Variants in RAPGEF6 observed in about 807,000 individuals in gnomAD.
RAPGEF6 encodes PDZ domain containing guanine nucleotide exchange factor (GEF) 2.
Under a neutral mutation model 171.4 loss-of-function variants are expected in RAPGEF6, and 56 were observed. The observed-to-expected ratio is 0.33, with a 90% CI of 0.26 to 0.41. The LOEUF (loss-of-function observed/expected upper bound fraction) is 0.41, where lower values mean the gene tolerates loss of function less well. Ranked by LOEUF, RAPGEF6 falls within the 10% of genes least tolerant of loss-of-function variation. The probability of loss-of-function intolerance (pLI) is 1.00; values close to 1 mark genes in which losing one functional copy is unlikely to be tolerated. For missense variants in RAPGEF6, 1,674 were observed against 1,921.4 expected, an observed-to-expected ratio of 0.87 and a Z score of 2.41; for synonymous variants, 692 against 650.1, an observed-to-expected ratio of 1.06 and a Z score of -0.98.
chr5:131,452,327 T>C (rs1292995287), intron 21 of RAPGEF6, among the ~76,000 whole-genome samples: 1 of 152,100 alleles, frequency 6.6e-6, no homozygotes, highest in Non-Finnish European at 1.5e-5. Flanking sequence ...TTAAAAAGCA[T>C]TCTTAAAATA....
chr5:131,607,701 T>C (rs190816533), intron 1 of RAPGEF6, among the ~76,000 whole-genome samples: 5 of 152,236 alleles, frequency 3.3e-5, no homozygotes, highest in Non-Finnish European at 7.4e-5. Flanking sequence ...TTAGAGTCCT[T>C]GGTAACACAC....
intron 18 of RAPGEF6, 69 bp downstream of exon 18, chr5:131,463,972 A>T: frequency 6.6e-7 from 1 of 1,505,332 alleles, no homozygotes; most frequent in Non-Finnish European, 8.9e-7. Flanking sequence ...TACTTACAAT[A>T]GCTGTTTTAA....
chr5:131,479,882 C>A, intron 15 of RAPGEF6, 129 bp from the exon 16 acceptor site: 4 of 926,834 alleles, frequency 4.3e-6, no homozygotes, highest in Non-Finnish European at 4.8e-6. Context: ...TTCAACTAAA[C>A]ACTGTCAAGT....
At chr5:131,437,163 G>A (rs1049921703) in intron 24 of RAPGEF6, among the ~76,000 whole-genome samples, 4 of 152,186 alleles carry the variant, frequency 2.6e-5, no homozygotes, top group African/African-American at 9.7e-5. Flanking sequence ...AGAACAAGCT[G>A]AAACAGTTTT....
intron 5 of RAPGEF6, among the ~76,000 whole-genome samples, chr5:131,556,141 T>TA (rs1425955256): frequency 6.6e-6 from 1 of 152,106 alleles, no homozygotes; most frequent in African/African-American, 2.4e-5. Context: ...TGGAAAACTG[T>TA]AAAAAGACCA....
intron 26 of RAPGEF6, among the ~76,000 whole-genome samples, 178 bp from the exon 27 acceptor site, chr5:131,429,394 A>T (rs1280320826): frequency 1.3e-5 from 2 of 152,242 alleles, no homozygotes; most frequent in Non-Finnish European, 2.9e-5. Flanking sequence ...ACCTCTTTTT[A>T]AAATACATAA....
chr5:131,453,010 C>A, intron 21 of RAPGEF6, 44 bp downstream of exon 21: 1 of 1,575,916 alleles, frequency 6.3e-7, no homozygotes, highest in Non-Finnish European at 8.6e-7. Flanking sequence ...TATTACATCA[C>A]CCTTGATACC....
intron 9 of RAPGEF6, among the ~76,000 whole-genome samples, chr5:131,507,736 T>C (rs1344151024): frequency 2.0e-5 from 3 of 152,168 alleles, no homozygotes; most frequent in African/African-American, 7.2e-5. Flanking sequence ...GATATAATTA[T>C]ACAAATAGAA....
chr5:131,439,507 G>C (rs1752243041), intron 24 of RAPGEF6, 74 bp downstream of exon 24: 2 of 1,488,640 alleles, frequency 1.3e-6, no homozygotes, highest in East Asian at 2.5e-5. Flanking sequence ...TATTGCTATA[G>C]ATTGAAAAGC....
At chr5:131,499,068 CA>C (rs1756835562) in intron 11 of RAPGEF6, among the ~76,000 whole-genome samples, 1 of 152,174 alleles carries the variant, frequency 6.6e-6, no homozygotes, top group Non-Finnish European at 1.5e-5. Context: ...TAATCCACCT[CA>C]AAAATCTTTT....
At chr5:131,633,092 G>C (rs1766414844) in intron 1 of RAPGEF6, among the ~76,000 whole-genome samples, 1 of 152,222 alleles carries the variant, frequency 6.6e-6, no homozygotes, top group African/African-American at 2.4e-5. Context: ...CCAGCACTTT[G>C]GGAGGCCGAG....
intron 1 of RAPGEF6, among the ~76,000 whole-genome samples, chr5:131,607,270 G>A (rs915090371): frequency 1.3e-5 from 2 of 152,156 alleles, no homozygotes; most frequent in Non-Finnish European, 2.9e-5. Context: ...TCAGAAGTAC[G>A]CAGAGGTAAT....
At chr5:131,629,196 T>C (rs1010623756) in intron 1 of RAPGEF6, among the ~76,000 whole-genome samples, 3 of 152,070 alleles carry the variant, frequency 2.0e-5, no homozygotes, top group African/African-American at 7.2e-5. Flanking sequence ...AAACCATCTG[T>C]GGGCCAGGCA....
At chr5:131,608,654 T>TC (rs1764751154) in intron 1 of RAPGEF6, among the ~76,000 whole-genome samples, 1 of 152,108 alleles carries the variant, frequency 6.6e-6, no homozygotes, top group Non-Finnish European at 1.5e-5. Context: ...GCTGTTTGGG[T>TC]CATGCGGGTG....
chr5:131,433,025 G>A (rs1451033626), intron 25 of RAPGEF6, among the ~76,000 whole-genome samples: 3 of 151,732 alleles, frequency 2.0e-5, no homozygotes, highest in African/African-American at 7.3e-5. Context: ...CACTTTCAGA[G>A]GACAGAGATC....
At chr5:131,452,323 A>G (rs536248502) in intron 21 of RAPGEF6, among the ~76,000 whole-genome samples, 2 of 152,338 alleles carry the variant, frequency 1.3e-5, no homozygotes, top group South Asian at 2.1e-4. Flanking sequence ...AACCTTAAAA[A>G]GCATTCTTAA....
intron 1 of RAPGEF6, among the ~76,000 whole-genome samples, chr5:131,633,852 A>C (rs997663313): frequency 3.3e-5 from 5 of 152,252 alleles, no homozygotes; most frequent in Non-Finnish European, 7.3e-5. Flanking sequence ...GAAATTCATA[A>C]ATCAGCTCAC....
intron 6 of RAPGEF6, among the ~76,000 whole-genome samples, chr5:131,525,277 G>GC (rs1322796362): frequency 6.6e-6 from 1 of 152,000 alleles, no homozygotes; most frequent in African/African-American, 2.4e-5. Flanking sequence ...TACAATTAAG[G>GC]CAAGTCTCAA....
chr5:131,610,071 A>C (rs1415172218), intron 1 of RAPGEF6, among the ~76,000 whole-genome samples: 1 of 152,266 alleles, frequency 6.6e-6, no homozygotes, highest in Non-Finnish European at 1.5e-5. Context: ...ATAATGTGAA[A>C]TAATGGAATG....
Sources: allele counts gnomAD v4.1 joint callset (sites outside exome capture counted in the v4.1 genomes callset), GRCh38; gene constraint gnomAD v4.1.1; transcripts MANE v1.5; gene names NCBI Gene and HGNC (gene_info 2026-07-23, HGNC 2026-07-21).